Variants in JRK observed in about 807,000 individuals in gnomAD.
JRK encodes the protein Jrk helix-turn-helix protein.
For synonymous variants in JRK, 303 were observed against 218.1 expected, an observed-to-expected ratio of 1.39 and a Z score of -3.43; for missense variants, 720 against 509.2, an observed-to-expected ratio of 1.41 and a Z score of -3.98.
chr8:142,663,855 C>T lies in JRK; in HGVS notation c.*497G>A, dbSNP rs587620556. 2 of 988,152 alleles carry T rather than the reference C, an allele frequency of 2.0e-6. No individual in the cohort carries two copies. Among genetic ancestry groups the T allele is most frequent in the Admixed American group, 6.1e-5 (1 of 16,408 alleles). 61.2% of individuals were successfully genotyped at this position (988,152 alleles called of 1,614,324 possible). A position where few individuals can be genotyped will look rare whatever the true frequency, so the allele number is the denominator to read the frequency against. The stretch of plus-strand genomic sequence containing the variant: ...GGCCATCGGACCTCAGGCAACCGTG[C>T]TCGGGGTCCACCCAACACGGGGATG... On this transcript the variant is annotated 3_prime_UTR_variant, in exon 2 of 2. Coordinates refer to ENST00000612905, the MANE Select transcript of JRK (RefSeq NM_003724.4).
In JRK at chr8:142,662,566, C is replaced by T. The variant is rs1187319584; in HGVS notation, c.*1786G>A. 3 of 985,318 alleles carry T rather than the reference C, an allele frequency of 3.0e-6. No homozygotes were observed. Among genetic ancestry groups the T allele is most frequent in the African/African-American group, 1.7e-5 (1 of 57,228 alleles). The allele number at this position is 985,318 out of a possible 1,614,324, so 61.0% of individuals were successfully genotyped here. ...GGGAACTGGGACTGTCGTTCAGCAC[C>T]GAGATCTTTAAAAACTATTTGGCTT... On this transcript the variant is annotated 3_prime_UTR_variant, in exon 2 of 2. Transcript: ENST00000612905.
chr8:142,648,387 T>C, the JRK span, among the ~76,000 whole-genome samples: 1 of 152,160 alleles, frequency 6.6e-6, no homozygotes, highest in African/African-American at 2.4e-5. Context: ...GAAAAAGTGG[T>C]TTCATGGGCC....
Position 142,664,967 on chromosome 8 carries a change from G to A in JRK, c.1092C>T (p.Phe364=), listed in dbSNP as rs370580306. The A allele has an allele frequency of 1.8e-4, 132 of 748,952 alleles. No individual in the cohort carries two copies. The highest frequency in any genetic ancestry group is 2.9e-4 in the Non-Finnish European group (119 of 407,716). 46.4% of individuals were successfully genotyped at this position (748,952 alleles called of 1,614,324 possible). A position where few individuals can be genotyped will look rare whatever the true frequency, so the allele number is the denominator to read the frequency against. Residue 364 remains phenylalanine, a synonymous_variant, in exon 2 of 2, where the codon TTC becomes TTT. Coordinates refer to ENST00000612905, the MANE Select transcript of JRK (RefSeq NM_003724.4). ...CTGCGTTCCAGGCACAGGCCACGCT[G>A]AATATGGCATCGTTCATGTTGTAGC... The part of the protein sequence containing the change: ...HARYNMNDAI[F]SVACAWNAVP...
In JRK at chr8:142,665,535, T is replaced by C. The variant is rs1182757912; in HGVS notation, c.524A>G (p.Glu175Gly). ...AACCTGCTCGGCGGACAGCCCGTGC[T>C]CAGCAGCCAAGCTCCTGAAAAACGC... ...FCAFFRSLAA[E>G]HGLSAEQVYN... is the part of the protein sequence containing the mutation. Residue 175 changes from glutamate (E) to glycine (G), a missense_variant, in exon 2 of 2, where the codon GAG (glutamate) becomes GGG (glycine). Coordinates refer to ENST00000612905, the MANE Select transcript of JRK (RefSeq NM_003724.4). The C allele has an allele frequency of 2.6e-5, 19 of 718,282 alleles. No homozygotes were observed. Among genetic ancestry groups the C allele is most frequent in the African/African-American group, 5.2e-5 (3 of 57,286 alleles). 44.5% of individuals were successfully genotyped at this position (718,282 alleles called of 1,614,324 possible).
Position 142,662,485 on chromosome 8 carries a change from CCCAGACA to C in JRK, c.*1860_*1866del. On this transcript the variant is annotated 3_prime_UTR_variant, in exon 2 of 2. Transcript: ENST00000612905. ...CAAAGTACATGATGTGCAGAAGTTCCCCAGACAATGAAGCAAACAGTGCGGGTGACAC... is the reference window on the plus strand; with the variant it reads ...CAAAGTACATGATGTGCAGAAGTTCCATGAAGCAAACAGTGCGGGTGACAC... The C allele has an allele frequency of 1.0e-6, 1 of 985,416 alleles. No homozygotes were observed. Among genetic ancestry groups the C allele is most frequent in the Non-Finnish European group, 1.2e-6 (1 of 829,938 alleles). 61.0% of individuals were successfully genotyped at this position (985,416 alleles called of 1,614,324 possible). A position where few individuals can be genotyped will look rare whatever the true frequency, so the allele number is the denominator to read the frequency against.
chr8:142,656,299 C>G (rs4567014), downstream of JRK, among the ~76,000 whole-genome samples: 90,298 of 151,650 alleles, frequency 0.6, 28,149 homozygotes, highest in Admixed American at 0.69. Flanking sequence ...CATTTCCCAC[C>G]CCACATCCCA....
chr8:142,663,594 T>C lies in JRK; in HGVS notation c.*758A>G, dbSNP rs1280532654. On this transcript the variant is annotated 3_prime_UTR_variant, in exon 2 of 2. Coordinates refer to ENST00000612905, the MANE Select transcript of JRK (RefSeq NM_003724.4). Reference sequence around the variant, plus strand: ...AATACCACACAGGGTCCGTGTCCTCTATCCGGGTGATGAGCAGGGCCTGGT... The same window carrying C: ...AATACCACACAGGGTCCGTGTCCTCCATCCGGGTGATGAGCAGGGCCTGGT... 1.2e-5 allele frequency: 12 copies of C among 985,400 alleles called. No homozygotes were observed. Among genetic ancestry groups the C allele is most frequent in the Non-Finnish European group, 1.4e-5 (12 of 829,954 alleles). 61.0% of individuals were successfully genotyped at this position (985,400 alleles called of 1,614,324 possible). A position where few individuals can be genotyped will look rare whatever the true frequency, so the allele number is the denominator to read the frequency against.
chr8:142,659,989 C>T lies in JRK; in HGVS notation c.*4363G>A. The T allele has an allele frequency of 1.0e-6, 1 of 985,674 alleles. No individual in the cohort carries two copies. Among genetic ancestry groups the T allele is most frequent in the Non-Finnish European group, 1.2e-6 (1 of 830,046 alleles). 61.1% of individuals were successfully genotyped at this position (985,674 alleles called of 1,614,324 possible). ...GAAGCAGAGGCCAGAGCTGACACCA[C>T]ATGGGCAAAGGAGTGGGCGTGTGGG... On this transcript the variant is annotated 3_prime_UTR_variant, in exon 2 of 2. Coordinates refer to ENST00000612905, the MANE Select transcript of JRK (RefSeq NM_003724.4).
At chr8:142,669,197 T>TGTGTGC (rs1409456082) in intron 1 of JRK, among the ~76,000 whole-genome samples, 44 of 56,830 alleles carry the variant, frequency 7.7e-4, no homozygotes, top group Admixed American at 3.5e-3. Flanking sequence ...TGTGTGTGTG[T>TGTGTGC]GTGCGTGTGT....
rs942187679 is a variant in JRK at position 142,666,155 on chromosome 8, G to A, written c.-97C>T. 2.4e-5 allele frequency: 37 copies of A among 1,545,476 alleles called. No individual in the cohort carries two copies. The highest frequency in any genetic ancestry group is 9.8e-5 in the Admixed American group (5 of 50,950). On this transcript the variant is annotated 5_prime_UTR_variant, in exon 2 of 2. The change creates a new upstream start codon in the 5' untranslated region. Coordinates refer to ENST00000612905, the MANE Select transcript of JRK (RefSeq NM_003724.4). ...CCTCCTGCTCCCCTTCTGGGGCTCC[G>A]TCTCTCCCTCTCCACTCTGCCTGCC...
rs1554635330 is a variant in JRK, at chr8:142,664,777, A to G, written c.1282T>C (p.Cys428Arg). Residue 428 changes from cysteine to arginine, a missense_variant, in exon 2 of 2, where the codon TGC becomes CGC. Cys to Arg is a radical substitution (Grantham distance 180). Transcript: ENST00000612905. ...ILELVKEGSS[C>R]PGQLRQRQAA... is the part of the protein sequence containing the mutation. ...TGGCGCTGGCGAAGCTGGCCCGGGC[A>G]GGAGGAGCCTTCCTTCACAAGCTCC... The G allele has an allele frequency of 2.5e-6, 4 of 1,589,850 alleles. No homozygotes were observed. The Admixed American group carries it at 5.3e-5, about 21-fold the overall frequency.
chr8:142,668,152 C>T (rs931537192), intron 1 of JRK, among the ~76,000 whole-genome samples: 3 of 152,240 alleles, frequency 2.0e-5, no homozygotes, highest in Non-Finnish European at 4.4e-5. Context: ...ACCTCCCTCC[C>T]GCGTCCTTAC....
At position 142,665,218 on chromosome 8, in the gene JRK, C is replaced by G. The variant is rs1204779027; in HGVS notation, c.841G>C (p.Glu281Gln). The stretch of plus-strand genomic sequence containing the variant: ...GGCAAACCTATGGTTCTGAAGTGCT[C>G]TCTCACCGAGGGCACAAAGATATGA... ...FHHIFVPSVR[E>Q]HFRTIGLPED... The change falls in exon 2 of 2, where the codon GAG becomes CAG. Residue 281 changes from glutamate (E) to glutamine (Q), a missense_variant. Glu to Gln is a conservative substitution (Grantham distance 29). Transcript: ENST00000612905. The G allele has an allele frequency of 7.0e-6, 5 of 717,808 alleles. No individual in the cohort carries two copies. The highest frequency in any genetic ancestry group is 5.2e-5 in the African/African-American group (3 of 57,272). The allele number at this position is 717,808 out of a possible 1,614,324, so 44.5% of individuals were successfully genotyped here.
In JRK at chr8:142,659,210, A is replaced by T. The variant is rs1554634191; in HGVS notation, c.*5142T>A. 2 of 1,182,418 alleles carry T rather than the reference A, an allele frequency of 1.7e-6. No homozygotes were observed. The highest frequency in any genetic ancestry group is 4.0e-5 in the Admixed American group (1 of 24,922). 73.2% of individuals were successfully genotyped at this position (1,182,418 alleles called of 1,614,324 possible). A position where few individuals can be genotyped will look rare whatever the true frequency, so the allele number is the denominator to read the frequency against. Reference sequence around the variant, plus strand: ...GACAGGCCTTCCTTTCACACACATCAGAAATAGGGAACCCAAGACCTCGAG... The same window carrying T: ...GACAGGCCTTCCTTTCACACACATCTGAAATAGGGAACCCAAGACCTCGAG... On this transcript the variant is annotated 3_prime_UTR_variant, in exon 2 of 2. Transcript: ENST00000612905.
chr8:142,656,602 G>C (rs1177256819), downstream of JRK, among the ~76,000 whole-genome samples: 1 of 152,220 alleles, frequency 6.6e-6, no homozygotes, highest in African/African-American at 2.4e-5. Flanking sequence ...TAAATCTACT[G>C]ATTTACCACA....
chr8:142,667,238 G>A lies in JRK; in HGVS notation c.-462-718C>T, dbSNP rs184900671. Among the ~76,000 whole-genome samples the A allele has an allele frequency of 2.0e-3, 311 of 152,232 alleles. 2 individuals carry two copies. The highest frequency in any genetic ancestry group is 2.3e-3 in the Non-Finnish European group (154 of 68,024). On this transcript the variant is annotated intron_variant, in intron 1 of 1. Transcript: ENST00000612905. ...CACTCAGATGCGTCTACAAGGAGCC[G>A]CAGCAGACAGACAGCTGTGACCATT...
At position 142,660,488 on chromosome 8, in the gene JRK, A is replaced by T. The variant is rs1846881175; in HGVS notation, c.*3864T>A. The T allele has an allele frequency of 1.1e-6, 1 of 915,134 alleles. No individual in the cohort carries two copies. Among genetic ancestry groups the T allele is most frequent in the Non-Finnish European group, 1.3e-6 (1 of 766,202 alleles). 56.7% of individuals were successfully genotyped at this position (915,134 alleles called of 1,614,324 possible). A position where few individuals can be genotyped will look rare whatever the true frequency, so the allele number is the denominator to read the frequency against. On this transcript the variant is annotated 3_prime_UTR_variant, in exon 2 of 2. Transcript: ENST00000612905. Reference sequence around the variant, plus strand: ...AGGCCATAACTCACTGCAGCCTCAAACTCCTGGGCTTGGGGATCCTCCCGC... The same window carrying T: ...AGGCCATAACTCACTGCAGCCTCAATCTCCTGGGCTTGGGGATCCTCCCGC...
At position 142,662,929 on chromosome 8, in the gene JRK, G is replaced by T. The variant is rs902870789; in HGVS notation, c.*1423C>A. On this transcript the variant is annotated 3_prime_UTR_variant, in exon 2 of 2. Coordinates refer to ENST00000612905, the MANE Select transcript of JRK (RefSeq NM_003724.4). ...AATCCCAGCACTTTAGAAGGATGAG[G>T]AAGGAGGATCGCTTGAGGCCAAGAG... 2.2e-6 allele frequency: 2 copies of T among 892,352 alleles called. No individual in the cohort carries two copies. Among genetic ancestry groups the T allele is most frequent in the African/African-American group, 3.6e-5 (2 of 55,082 alleles). The allele number at this position is 892,352 out of a possible 1,614,324, so 55.3% of individuals were successfully genotyped here.
downstream of JRK, among the ~76,000 whole-genome samples, chr8:142,653,575 C>G (rs1408978301): frequency 6.6e-6 from 1 of 151,614 alleles, no homozygotes; most frequent in Non-Finnish European, 1.5e-5. Flanking sequence ...AGAGGTCTCA[C>G]TATGTTGCCC....
Sources: allele counts gnomAD v4.1 joint callset (sites outside exome capture counted in the v4.1 genomes callset), GRCh38; gene constraint gnomAD v4.1.1; transcripts MANE v1.5; gene names NCBI Gene and HGNC (gene_info 2026-07-23, HGNC 2026-07-21).